The following EHBP1 variants were observed in gnomAD, a reference collection of about 807,000 sequenced individuals.
EHBP1 encodes the protein EH domain binding protein 1.
Under a neutral mutation model 144.0 loss-of-function variants are expected in EHBP1, and 55 were observed. That is an observed-to-expected ratio of 0.38 (90% CI 0.31 to 0.48). The LOEUF (loss-of-function observed/expected upper bound fraction) is 0.48, where lower values mean the gene tolerates loss of function less well. Among genes scored for constraint, EHBP1 ranks in the 20% least tolerant of loss-of-function variants. The pLI is 0.98. For missense variants in EHBP1, 1,200 were observed against 1,364.2 expected (o/e 0.88, Z 1.90); for synonymous variants, 469 against 472.7 (o/e 0.99, Z 0.10).
intron 12 of EHBP1, among the ~76,000 whole-genome samples, chr2:62,947,262 A>G (rs2057122000): frequency 6.6e-6 from 1 of 152,200 alleles, no homozygotes; most frequent in Admixed American, 6.5e-5. Context: ...TACTTGTTCC[A>G]TAATGTTTGT....
At chr2:62,716,861 C>T (rs1435249799) in intron 2 of EHBP1, among the ~76,000 whole-genome samples, 1 of 152,208 alleles carries the variant, frequency 6.6e-6, no homozygotes, top group Non-Finnish European at 1.5e-5. Context: ...TGGCTGCCAA[C>T]TCTGGCTGCT....
chr2:63,013,525 A>G (rs553242789), intron 19 of EHBP1, among the ~76,000 whole-genome samples: 16 of 152,232 alleles, frequency 1.1e-4, no homozygotes, highest in African/African-American at 3.4e-4. Context: ...AAACCCCCCC[A>G]AAAGACAAAG....
intron 10 of EHBP1, among the ~76,000 whole-genome samples, chr2:62,929,421 A>T (rs2055800365): frequency 6.6e-6 from 1 of 152,204 alleles, no homozygotes; most frequent in South Asian, 2.1e-4. Flanking sequence ...GGATGATTAG[A>T]CATATGTAAT....
At chr2:62,750,336 G>A (rs1057430770) in intron 3 of EHBP1, among the ~76,000 whole-genome samples, 1 of 152,054 alleles carries the variant, frequency 6.6e-6, no homozygotes, top group African/African-American at 2.4e-5. Flanking sequence ...CTGTTCTATT[G>A]ATCTATATCT....
intron 7 of EHBP1, among the ~76,000 whole-genome samples, chr2:62,849,154 A>C (rs975878468): frequency 2.0e-5 from 3 of 151,976 alleles, no homozygotes; most frequent in Admixed American, 1.3e-4. Context: ...GTAACTTCCA[A>C]AACTAAGTTG....
intron 7 of EHBP1, among the ~76,000 whole-genome samples, chr2:62,848,105 G>A (rs1430115428): frequency 1.5e-5 from 2 of 137,846 alleles, no homozygotes; most frequent in African/African-American, 5.5e-5. Flanking sequence ...TCTTGAGACA[G>A]TCTCACTCTG....
chr2:62,926,792 A>C (rs923282510), intron 10 of EHBP1, among the ~76,000 whole-genome samples: 1 of 152,186 alleles, frequency 6.6e-6, no homozygotes, highest in African/African-American at 2.4e-5. Flanking sequence ...AGGTCTCACA[A>C]AAAATAAATA....
chr2:62,728,976 A>G (rs1195368655), intron 2 of EHBP1, among the ~76,000 whole-genome samples: 2 of 151,640 alleles, frequency 1.3e-5, no homozygotes, highest in African/African-American at 2.4e-5. Flanking sequence ...ATTCTTTTGT[A>G]TGTGAGTATT....
rs1286451524 is a variant in EHBP1, at chr2:62,993,654, T to C, written c.2858T>C (p.Ile953Thr). The C allele has an allele frequency of 6.2e-7, 1 of 1,604,118 alleles. No individual in the cohort carries two copies. Among genetic ancestry groups the C allele is most frequent in the Admixed American group, 1.7e-5 (1 of 59,514 alleles). Reference sequence around the variant, plus strand: ...CAACTTCAGTCTTTCAGCCAATATATTGAGAATAGACCAGGTAGAACACTT... The same window carrying C: ...CAACTTCAGTCTTTCAGCCAATATACTGAGAATAGACCAGGTAGAACACTT... ...KTQLQSFSQY[I>T]ENRPEMKRQR... is the part of the protein sequence containing the mutation. Residue 953 changes from isoleucine (I) to threonine (T), a missense_variant, in exon 17 of 23, where the codon ATT becomes ACT. Around this residue, in one of 6 missense-constraint regions of EHBP1, gnomAD observed 543 missense variants for 513.1 expected, o/e 1.06. Coordinates refer to ENST00000431489, the MANE Select transcript of EHBP1 (RefSeq NM_001142616.3).
chr2:63,042,264 AAT>A (rs996126403), intron 21 of EHBP1, among the ~76,000 whole-genome samples: 1 of 152,138 alleles, frequency 6.6e-6, no homozygotes, highest in African/African-American at 2.4e-5. Context: ...AAAAGATAAA[AAT>A]AGTTTACTTA....
chr2:62,981,971 G>T (rs1248344821), intron 15 of EHBP1, among the ~76,000 whole-genome samples: 1 of 152,112 alleles, frequency 6.6e-6, no homozygotes, highest in Non-Finnish European at 1.5e-5. Context: ...ATGGTAGTCT[G>T]TTTGTGAGAA....
intron 7 of EHBP1, among the ~76,000 whole-genome samples, chr2:62,857,796 T>C (rs1244166111): frequency 1.3e-5 from 2 of 152,118 alleles, no homozygotes; most frequent in African/African-American, 4.8e-5. Context: ...TTCTCTTTTA[T>C]TGTTTTTATT....
At chr2:62,801,487 C>T (rs1056967730) in intron 5 of EHBP1, among the ~76,000 whole-genome samples, 2 of 152,212 alleles carry the variant, frequency 1.3e-5, no homozygotes, top group African/African-American at 2.4e-5. Flanking sequence ...TCCCTTCTTT[C>T]AGGTGGTTAT....
chr2:62,836,846 A>T (rs1486378564), intron 7 of EHBP1, among the ~76,000 whole-genome samples: 2 of 151,658 alleles, frequency 1.3e-5, no homozygotes, highest in African/African-American at 4.9e-5. Flanking sequence ...ATGTGAAAAG[A>T]CCAAATGTAT....
At chr2:62,854,695 A>G (rs2048911542) in intron 7 of EHBP1, among the ~76,000 whole-genome samples, 1 of 152,234 alleles carries the variant, frequency 6.6e-6, no homozygotes, top group Non-Finnish European at 1.5e-5. Context: ...AACAGCAAAG[A>G]TCACTCATCA....
chr2:62,818,463 C>A (rs564781376), intron 5 of EHBP1, among the ~76,000 whole-genome samples: 1 of 152,162 alleles, frequency 6.6e-6, no homozygotes, highest in East Asian at 1.9e-4. Context: ...ATAGGCTATA[C>A]CACATAGCTT....
At chr2:62,871,636 C>T (rs948323570) in intron 9 of EHBP1, among the ~76,000 whole-genome samples, 6 of 152,112 alleles carry the variant, frequency 3.9e-5, no homozygotes, top group Admixed American at 6.5e-5. Flanking sequence ...AACTTATGAC[C>T]TTTCATCAAG....
chr2:63,021,886 C>G (rs1208715090), intron 19 of EHBP1, among the ~76,000 whole-genome samples: 1 of 151,970 alleles, frequency 6.6e-6, no homozygotes, highest in Non-Finnish European at 1.5e-5. Context: ...CCTGCCTCAG[C>G]CTTCTGAGTA....
At chr2:62,900,703 T>TA (rs1558881616) in intron 10 of EHBP1, among the ~76,000 whole-genome samples, 1 of 150,474 alleles carries the variant, frequency 6.6e-6, no homozygotes, top group Admixed American at 6.6e-5. Flanking sequence ...TATATATATA[T>TA]TTTCTTTCTC....
Sources: allele counts gnomAD v4.1 joint callset (sites outside exome capture counted in the v4.1 genomes callset), GRCh38; gene constraint gnomAD v4.1.1; regional missense constraint gnomAD v4.1.1; transcripts MANE v1.5; gene names NCBI Gene and HGNC (gene_info 2026-07-23, HGNC 2026-07-21).